The following TMX3 variants were observed in gnomAD, a reference collection of about 807,000 sequenced individuals.
TMX3 encodes thioredoxin related transmembrane protein 3.
In TMX3, 40 loss-of-function variants were observed where a neutral mutation model predicts 64.4. That is an observed-to-expected ratio of 0.62 (90% CI 0.48 to 0.81). The LOEUF (loss-of-function observed/expected upper bound fraction) is 0.81, where lower values mean the gene tolerates loss of function less well. TMX3 is among the 30% of genes least tolerant of loss of function. The pLI, the probability that TMX3 is intolerant of heterozygous loss-of-function variation, is 0.00. For synonymous variants in TMX3, 189 were observed against 175.7 expected, an observed-to-expected ratio of 1.08 and a Z score of -0.60; for missense variants, 497 against 534.5, an observed-to-expected ratio of 0.93 and a Z score of 0.69.
In TMX3 at chr18:68,682,913, C is replaced by A; in HGVS notation, c.905+12G>T. 1 of 1,599,598 alleles carries A rather than the reference C, an allele frequency of 6.3e-7. No homozygotes were observed. The highest frequency in any genetic ancestry group is 8.5e-7 in the Non-Finnish European group (1 of 1,171,944). ...TAGATTTGACAGCAAAATCATTCAG[C>A]ACTTTACTTACTCCATCAGCAAGGT... On this transcript the variant is annotated intron_variant, in intron 13 of 15. Coordinates refer to ENST00000299608, the MANE Select transcript of TMX3 (RefSeq NM_019022.5).
Position 68,676,604 on chromosome 18 carries a change from A to G in TMX3, c.*329T>C. On this transcript the variant is annotated 3_prime_UTR_variant, in exon 16 of 16. Coordinates refer to ENST00000299608, the MANE Select transcript of TMX3 (RefSeq NM_019022.5). ...CACACATGTATCTTCTACCTGACTGACCAATTTAAATATTCTGCCCAAGAA... is the reference window on the plus strand; with the variant it reads ...CACACATGTATCTTCTACCTGACTGGCCAATTTAAATATTCTGCCCAAGAA... The G allele has an allele frequency of 4.1e-6, 1 of 245,164 alleles. No individual in the cohort carries two copies. The highest frequency in any genetic ancestry group is 7.8e-6 in the Non-Finnish European group (1 of 127,450). The allele number at this position is 245,164 out of a possible 1,614,324, so 15.2% of individuals were successfully genotyped here. A position where few individuals can be genotyped will look rare whatever the true frequency, so the allele number is the denominator to read the frequency against.
Position 68,697,017 on chromosome 18 carries a change from C to T in TMX3, c.570+209G>A, listed in dbSNP as rs17079567. ...CACTAATGTAAATCCCTAAATGCTA[C>T]GAATCTGATGGTATTTATTAATAAA... On this transcript the variant is annotated intron_variant, in intron 8 of 15. Transcript: ENST00000299608. 9.9e-3 allele frequency: 3,900 copies of T among 392,576 alleles called. 133 individuals are homozygous for T. Among genetic ancestry groups the T allele is most frequent in the African/African-American group, 0.075 (3,553 of 47,496 alleles). The allele number at this position is 392,576 out of a possible 1,614,324, so 24.3% of individuals were successfully genotyped here.
chr18:68,706,516 T>C (rs1332332577), intron 4 of TMX3: 1 of 152,202 alleles, frequency 6.6e-6, no homozygotes, highest in African/African-American at 2.4e-5. Flanking sequence ...TGTTCACCAG[T>C]AGGACTGGTG....
At chr18:68,698,493 G>T (rs1346274227) in intron 6 of TMX3, among the ~76,000 whole-genome samples, 3 of 151,850 alleles carry the variant, frequency 2.0e-5, no homozygotes, top group Non-Finnish European at 2.9e-5. Context: ...AATTTAAATG[G>T]TATATACTTT....
chr18:68,682,878 T>A (rs748460124), intron 13 of TMX3, 47 bp downstream of exon 13: 2 of 1,547,774 alleles, frequency 1.3e-6, no homozygotes, highest in Non-Finnish European at 1.8e-6. Flanking sequence ...GAAACAAATT[T>A]AAAAATTAAT....
chr18:68,682,492 A>G (rs542255640), intron 13 of TMX3, among the ~76,000 whole-genome samples: 2 of 152,294 alleles, frequency 1.3e-5, no homozygotes, highest in South Asian at 2.1e-4. Flanking sequence ...TAAATTTTAA[A>G]CAGATAAAAA....
chr18:68,715,039 G>A lies in TMX3; in HGVS notation c.-58C>T, dbSNP rs1203117197. Reference sequence around the variant, plus strand: ...GCAAAAGAGGGATAAAGACACTGGGGTCCGCCGCCTGCCCGCCCGGAAAGG... The same window carrying A: ...GCAAAAGAGGGATAAAGACACTGGGATCCGCCGCCTGCCCGCCCGGAAAGG... On this transcript the variant is annotated 5_prime_UTR_variant, in exon 1 of 16. Transcript: ENST00000299608. 2 of 1,549,256 alleles carry A rather than the reference G, an allele frequency of 1.3e-6. No homozygotes were observed. Among genetic ancestry groups the A allele is most frequent in the African/African-American group, 1.4e-5 (1 of 72,878 alleles).
chr18:68,675,473 C>T lies in TMX3; in HGVS notation c.*1460G>A, dbSNP rs760438817. 2 of 152,112 alleles carry T rather than the reference C, an allele frequency of 1.3e-5. No individual in the cohort carries two copies. The highest frequency in any genetic ancestry group is 2.9e-5 in the Non-Finnish European group (2 of 68,016). The allele number at this position is 152,112 out of a possible 1,614,324, so 9.4% of individuals were successfully genotyped here. A position where few individuals can be genotyped will look rare whatever the true frequency, so the allele number is the denominator to read the frequency against. ...CTTAAGATGCAAGTGTCCATACAGT[C>T]TTGATTAGTACGGCATTAGAAACAA... On this transcript the variant is annotated 3_prime_UTR_variant, in exon 16 of 16. Transcript: ENST00000299608.
intron 8 of TMX3, among the ~76,000 whole-genome samples, chr18:68,695,532 T>C (rs567483193): frequency 1.2e-4 from 18 of 152,258 alleles, no homozygotes; most frequent in Admixed American, 5.2e-4. Flanking sequence ...TATTTTCAAC[T>C]TCTTCCTTCT....
At chr18:68,680,560 T>C (rs556699731) in intron 14 of TMX3, among the ~76,000 whole-genome samples, 2 of 152,292 alleles carry the variant, frequency 1.3e-5, no homozygotes, top group African/African-American at 4.8e-5. Context: ...ATTTGCAGAT[T>C]TTCTTAGAAA....
intron 7 of TMX3, chr18:68,697,679 T>A (rs1915227797): frequency 1.4e-5 from 6 of 424,400 alleles, no homozygotes; most frequent in Non-Finnish European, 2.1e-5. Context: ...AAGACTTAAA[T>A]AACCAGGTTA....
At chr18:68,678,429 C>T (rs1000917074) in intron 15 of TMX3, among the ~76,000 whole-genome samples, 1 of 151,658 alleles carries the variant, frequency 6.6e-6, no homozygotes, top group Non-Finnish European at 1.5e-5. Flanking sequence ...GAGTGTCAAG[C>T]GAGAAGGTTC....
At chr18:68,693,737 A>AG (rs1487325885) in intron 8 of TMX3, among the ~76,000 whole-genome samples, 2 of 152,026 alleles carry the variant, frequency 1.3e-5, no homozygotes, top group African/African-American at 4.8e-5. Flanking sequence ...CTAGGCAGGA[A>AG]GGGGTGGGTC....
chr18:68,693,413 G>T (rs1914724410), intron 8 of TMX3, among the ~76,000 whole-genome samples: 1 of 152,080 alleles, frequency 6.6e-6, no homozygotes, highest in South Asian at 2.1e-4. Flanking sequence ...GCTCTCCGGG[G>T]CCTGGAAAGC....
At chr18:68,714,589 A>T (rs1439109462) in intron 1 of TMX3, 13 of 385,086 alleles carry the variant, frequency 3.4e-5, no homozygotes, top group Non-Finnish European at 4.2e-5. Context: ...CCTAAAGCCA[A>T]GGCAAGATTT....
Position 68,687,521 on chromosome 18 carries a change from A to G in TMX3, c.736+146T>C, listed in dbSNP as rs309221. ...ATATCTTCTGGTAATATCAGTTTAC[A>G]TTCTCGTAAAGAACTGGCATTCAGA... On this transcript the variant is annotated intron_variant, in intron 10 of 15. Transcript: ENST00000299608. 57,030 of 1,417,060 alleles carry G rather than the reference A, an allele frequency of 0.04. 10,202 individuals carry two copies. In the African/African-American group the frequency reaches 0.53, roughly 13 times the overall value. 87.8% of individuals were successfully genotyped at this position (1,417,060 alleles called of 1,614,324 possible). A position where few individuals can be genotyped will look rare whatever the true frequency, so the allele number is the denominator to read the frequency against.
intron 10 of TMX3, chr18:68,686,804 C>A: frequency 1.0e-6 from 1 of 985,010 alleles, no homozygotes; most frequent in Non-Finnish European, 1.2e-6. Context: ...TAAAGATAAG[C>A]AAAGGCAGAA....
At chr18:68,709,447 A>G (rs2031043696) in intron 4 of TMX3, among the ~76,000 whole-genome samples, 1 of 152,184 alleles carries the variant, frequency 6.6e-6, no homozygotes, top group Non-Finnish European at 1.5e-5. Context: ...CAGATAACAA[A>G]TAGCTATGCT....
intron 4 of TMX3, chr18:68,706,552 A>G (rs934814384): frequency 2.0e-5 from 3 of 152,214 alleles, no homozygotes; most frequent in Non-Finnish European, 4.4e-5. Flanking sequence ...TGAACTGACA[A>G]TAAGTACCCA....
Sources: gnomAD v4.1 joint callset for allele counts (sites outside exome capture counted in the v4.1 genomes callset) on GRCh38, gnomAD v4.1.1 for gene constraint, MANE v1.5 for transcripts, NCBI Gene and HGNC (gene_info 2026-07-23, HGNC 2026-07-21) for gene names.